LYPD6B: variants seen among roughly 807,000 people sequenced by gnomAD.
The protein encoded by LYPD6B is LY6/PLAUR domain containing 6B.
Under a neutral mutation model 22.8 loss-of-function variants are expected in LYPD6B, and 17 were observed. The observed-to-expected ratio is 0.75, with a 90% CI of 0.51 to 1.12. LYPD6B has a LOEUF of 1.12. LYPD6B is among the 50% of genes most tolerant of loss of function. The probability of loss-of-function intolerance (pLI) is 0.00; values close to 1 mark genes in which losing one functional copy is unlikely to be tolerated. For missense variants in LYPD6B, 221 were observed against 258.3 expected (o/e 0.86, Z 0.99); for synonymous variants, 106 against 91.6 (o/e 1.16, Z -0.90).
chr2:149,080,840 TC>T (rs1685091266), intron 1 of LYPD6B, among the ~76,000 whole-genome samples: 2 of 50,142 alleles, frequency 4.0e-5, no homozygotes, highest in African/African-American at 2.3e-4. Context: ...AGACTCTATC[TC>T]AAAAAAAAAA....
chr2:149,190,392 A>G (rs2106052732), intron 3 of LYPD6B, among the ~76,000 whole-genome samples: 1 of 152,348 alleles, frequency 6.6e-6, no homozygotes, highest in Non-Finnish European at 1.5e-5. Flanking sequence ...TATCATGCCA[A>G]TGTATCATTG....
At chr2:149,184,973 CTCT>C (rs1471708807) in intron 3 of LYPD6B, among the ~76,000 whole-genome samples, 1 of 152,202 alleles carries the variant, frequency 6.6e-6, no homozygotes, top group Non-Finnish European at 1.5e-5. Flanking sequence ...ACTTTGCTTT[CTCT>C]TCTTTGTTCA....
chr2:149,208,500 A>AT lies in LYPD6B; in HGVS notation c.328+95dup, dbSNP rs369848582. 3.7e-4 allele frequency: 409 copies of AT among 1,106,334 alleles called. 1 individual carries two copies. The African/African-American group carries it at 5.6e-3, about 15-fold the overall frequency. The allele number at this position is 1,106,334 out of a possible 1,614,324, so 68.5% of individuals were successfully genotyped here. Reference sequence around the variant, plus strand: ...ATGATGTTCTTTAGGAATCAGATGTATTTTTTTCTGAGACTATCCGGACAT... The same window carrying AT: ...ATGATGTTCTTTAGGAATCAGATGTATTTTTTTTCTGAGACTATCCGGACAT... On this transcript the variant is annotated intron_variant, in intron 5 of 6. Coordinates refer to ENST00000409642, the MANE Select transcript of LYPD6B (RefSeq NM_177964.5).
intron 3 of LYPD6B, among the ~76,000 whole-genome samples, chr2:149,176,616 A>C (rs1206235044): frequency 6.6e-6 from 1 of 152,160 alleles, no homozygotes; most frequent in African/African-American, 2.4e-5. Context: ...GTACTTGGTC[A>C]TGTTATCTAC....
At chr2:149,195,166 C>T (rs893163407) in intron 3 of LYPD6B, among the ~76,000 whole-genome samples, 5 of 152,170 alleles carry the variant, frequency 3.3e-5, no homozygotes, top group Non-Finnish European at 5.9e-5. Flanking sequence ...GGTCTGTGTT[C>T]ACTTAGAGAC....
chr2:149,049,787 T>C (rs945288520), intron 1 of LYPD6B, among the ~76,000 whole-genome samples: 9 of 152,086 alleles, frequency 5.9e-5, no homozygotes, highest in African/African-American at 1.9e-4. Context: ...AAACAGGTGG[T>C]CAGGAAAGAC....
chr2:149,164,031 T>A (rs1003100258), intron 3 of LYPD6B, among the ~76,000 whole-genome samples: 3 of 152,028 alleles, frequency 2.0e-5, no homozygotes, highest in African/African-American at 7.2e-5. Flanking sequence ...TTTGGGAAGA[T>A]GAATGGGCCC....
intron 1 of LYPD6B, among the ~76,000 whole-genome samples, chr2:149,125,059 C>G (rs1376197069): frequency 7.1e-6 from 1 of 141,536 alleles, no homozygotes; most frequent in African/African-American, 2.6e-5. Flanking sequence ...CAGACTGCAT[C>G]TAGCAGAAAA....
At chr2:149,080,005 T>C (rs1685053304) in intron 1 of LYPD6B, among the ~76,000 whole-genome samples, 2 of 152,232 alleles carry the variant, frequency 1.3e-5, no homozygotes, top group East Asian at 1.9e-4. Context: ...AGCACCGCTT[T>C]GTTTACCAAC....
At chr2:149,192,760 T>C (rs1692576273) in intron 3 of LYPD6B, among the ~76,000 whole-genome samples, 2 of 152,070 alleles carry the variant, frequency 1.3e-5, no homozygotes, top group Non-Finnish European at 2.9e-5. Context: ...AGCCCTCAAG[T>C]TGGAATAACT....
chr2:149,193,312 T>C (rs1204186292), intron 3 of LYPD6B, among the ~76,000 whole-genome samples: 2 of 152,190 alleles, frequency 1.3e-5, no homozygotes, highest in East Asian at 3.9e-4. Context: ...CTTTTAAAGG[T>C]ACATCCAAGG....
At chr2:149,143,511 C>T (rs1459388444) in intron 2 of LYPD6B, among the ~76,000 whole-genome samples, 41 of 75,492 alleles carry the variant, frequency 5.4e-4, no homozygotes, top group South Asian at 4.2e-3. Context: ...CAACATGTGA[C>T]GCAAAAAAAA....
At position 149,172,150 on chromosome 2, in the gene LYPD6B, T is replaced by A. The variant is rs1039843182; in HGVS notation, c.77+11315T>A. On this transcript the variant is annotated intron_variant, in intron 3 of 6. Coordinates refer to ENST00000409642, the MANE Select transcript of LYPD6B (RefSeq NM_177964.5). ...GGAAGCAAACATGTCCTTCTTCACA[T>A]GGCGGCAGGAAGAAGAAGAATGAGC... 6.6e-5 allele frequency among the ~76,000 whole-genome samples: 10 copies of A among 152,266 alleles called. No individual in the cohort carries two copies. In the East Asian group the frequency reaches 1.7e-3, roughly 26 times the overall value.
chr2:149,196,541 A>C (rs532894325), intron 3 of LYPD6B, among the ~76,000 whole-genome samples: 1 of 152,328 alleles, frequency 6.6e-6, no homozygotes, highest in Non-Finnish European at 1.5e-5. Context: ...GGACAGATGC[A>C]TAGTAACAAT....
chr2:149,131,035 T>C (rs570038819), intron 2 of LYPD6B, 82 bp downstream of exon 2: 1 of 913,570 alleles, frequency 1.1e-6, no homozygotes, highest in African/African-American at 1.6e-5. Flanking sequence ...TACTCATGCT[T>C]CGCAAAAATA....
chr2:149,160,622 C>T (rs1689993635), intron 2 of LYPD6B, 142 bp from the exon 3 acceptor site: 1 of 693,808 alleles, frequency 1.4e-6, no homozygotes, highest in Admixed American at 2.0e-5. Context: ...TGATATTGTT[C>T]AATTGACTGT....
At chr2:149,069,083 CTT>C (rs1298286993) in intron 1 of LYPD6B, among the ~76,000 whole-genome samples, 2 of 141,212 alleles carry the variant, frequency 1.4e-5, no homozygotes, top group African/African-American at 2.6e-5. Context: ...ATTATGTAGA[CTT>C]TTTTTTTTTT....
intron 3 of LYPD6B, among the ~76,000 whole-genome samples, chr2:149,175,061 C>CTCTCTCTCTCTGTGTGTGTGTGTG (rs1454802925): frequency 8.8e-6 from 1 of 113,002 alleles, no homozygotes; most frequent in Non-Finnish European, 1.8e-5. Context: ...CTCTCTCTCT[C>CTCTCTCTCTCTGTGTGTGTGTGTG]TGTGTGTGTG....
intron 5 of LYPD6B, among the ~76,000 whole-genome samples, chr2:149,212,672 T>A (rs767696077): frequency 2.0e-5 from 3 of 152,136 alleles, no homozygotes; most frequent in Non-Finnish European, 4.4e-5. Flanking sequence ...GCCAGAGACA[T>A]AAATATTTTC....
Sources: gnomAD v4.1 joint callset for allele counts (sites outside exome capture counted in the v4.1 genomes callset) on GRCh38, gnomAD v4.1.1 for gene constraint, MANE v1.5 for transcripts, NCBI Gene and HGNC (gene_info 2026-07-23, HGNC 2026-07-21) for gene names.